The following PPARGC1A variants were observed in gnomAD, a reference collection of about 807,000 sequenced individuals.
PPARGC1A encodes peroxisome proliferator-activated receptor gamma coactivator 1-alpha.
PPARGC1A carries 25 observed loss-of-function variants against 88.7 expected under a neutral mutation model. The observed-to-expected ratio is 0.28, with a 90% CI of 0.21 to 0.39. The LOEUF is 0.39. PPARGC1A is among the 10% of genes least tolerant of loss of function. The pLI is 1.00. For synonymous variants in PPARGC1A, 363 were observed against 355.6 expected, an observed-to-expected ratio of 1.02 and a Z score of -0.24; for missense variants, 880 against 968.7, an observed-to-expected ratio of 0.91 and a Z score of 1.22.
chr4:23,977,641 G>A, the PPARGC1A span, among the ~76,000 whole-genome samples: 6 of 152,108 alleles, frequency 3.9e-5, no homozygotes, highest in South Asian at 1.2e-3. Flanking sequence ...GTTTACCTAT[G>A]GAAAAAACCT....
chr4:23,876,678 G>A (rs936942114), intron 2 of PPARGC1A, among the ~76,000 whole-genome samples: 10 of 152,032 alleles, frequency 6.6e-5, no homozygotes, highest in African/African-American at 2.4e-4. Context: ...TTTCTGAGCA[G>A]AAGTTCAGAA....
the PPARGC1A span, among the ~76,000 whole-genome samples, chr4:24,210,798 G>A: frequency 6.6e-6 from 1 of 152,162 alleles, no homozygotes; most frequent in Non-Finnish European, 1.5e-5. Flanking sequence ...CTCCAGAAAG[G>A]TCAAAAGCAG....
chr4:24,356,980 G>A, the PPARGC1A span, among the ~76,000 whole-genome samples: 1 of 152,120 alleles, frequency 6.6e-6, no homozygotes, highest in Non-Finnish European at 1.5e-5. Context: ...GAAGTGCAAA[G>A]GAATTAATGT....
At chr4:23,961,342 G>A in the PPARGC1A span, among the ~76,000 whole-genome samples, 1 of 152,168 alleles carries the variant, frequency 6.6e-6, no homozygotes, top group Non-Finnish European at 1.5e-5. Flanking sequence ...TTTCAGGGAT[G>A]CAGCTAAAAC....
the PPARGC1A span, among the ~76,000 whole-genome samples, chr4:24,461,973 A>G: frequency 2.2e-4 from 34 of 152,172 alleles, no homozygotes; most frequent in African/African-American, 8.0e-4. Flanking sequence ...ACTGTTTTCT[A>G]TCTTCTTTGC....
At chr4:23,961,076 C>T in the PPARGC1A span, among the ~76,000 whole-genome samples, 4 of 152,096 alleles carry the variant, frequency 2.6e-5, no homozygotes, top group African/African-American at 9.7e-5. Context: ...TTCTAGAAAG[C>T]GCTTTTAAAA....
chr4:23,909,918 A>G, the PPARGC1A span, among the ~76,000 whole-genome samples: 1 of 151,038 alleles, frequency 6.6e-6, no homozygotes. Context: ...AAATACAAAG[A>G]AATATGAAAG....
chr4:23,823,260 C>G (rs1310474755), intron 7 of PPARGC1A, among the ~76,000 whole-genome samples: 1 of 151,864 alleles, frequency 6.6e-6, no homozygotes, highest in East Asian at 1.9e-4. Flanking sequence ...CTAATCTTTT[C>G]CTTCAAGGAG....
At chr4:24,170,140 A>T in the PPARGC1A span, among the ~76,000 whole-genome samples, 1 of 152,226 alleles carries the variant, frequency 6.6e-6, no homozygotes, top group Non-Finnish European at 1.5e-5. Flanking sequence ...GAGAAAGCAT[A>T]GCAGGTGGTG....
chr4:24,251,224 G>C, the PPARGC1A span, among the ~76,000 whole-genome samples: 1 of 152,210 alleles, frequency 6.6e-6, no homozygotes, highest in African/African-American at 2.4e-5. Context: ...AATCCTGGCT[G>C]TGCCACTACT....
At chr4:24,252,238 C>T in the PPARGC1A span, among the ~76,000 whole-genome samples, 1 of 152,064 alleles carries the variant, frequency 6.6e-6, no homozygotes, top group Non-Finnish European at 1.5e-5. Flanking sequence ...TCTGTGCAGC[C>T]TAGGGTGACA....
the PPARGC1A span, among the ~76,000 whole-genome samples, chr4:24,324,061 C>G: frequency 6.6e-6 from 1 of 152,198 alleles, no homozygotes. Flanking sequence ...GGGAAGGCAG[C>G]TTTCCCTTGG....
chr4:24,348,417 T>G, the PPARGC1A span, among the ~76,000 whole-genome samples: 1 of 152,224 alleles, frequency 6.6e-6, no homozygotes, highest in Non-Finnish European at 1.5e-5. Context: ...CTTTTAGAAT[T>G]CTCTTCTTCC....
the PPARGC1A span, among the ~76,000 whole-genome samples, chr4:24,209,810 A>G: frequency 2.0e-5 from 3 of 152,248 alleles, no homozygotes; most frequent in East Asian, 5.8e-4. Context: ...TACAATTTGT[A>G]TATAAACAAA....
At chr4:24,002,362 G>A in the PPARGC1A span, among the ~76,000 whole-genome samples, 1 of 151,978 alleles carries the variant, frequency 6.6e-6, no homozygotes, top group Non-Finnish European at 1.5e-5. Context: ...TCCTGACCTC[G>A]AGATCTGCCC....
chr4:23,993,446 T>A, the PPARGC1A span, among the ~76,000 whole-genome samples: 32,729 of 152,100 alleles, frequency 0.22, 3,574 homozygotes, highest in East Asian at 0.29. Context: ...GTTTACCAAC[T>A]TCCTCCATGA....
chr4:24,250,444 A>G, the PPARGC1A span, among the ~76,000 whole-genome samples: 1 of 152,188 alleles, frequency 6.6e-6, no homozygotes. Flanking sequence ...GGAGAGATAC[A>G]CAGGTGTCAT....
chr4:23,986,777 G>GTCTTGCC, the PPARGC1A span, among the ~76,000 whole-genome samples: 2 of 151,988 alleles, frequency 1.3e-5, no homozygotes, highest in Admixed American at 6.6e-5. Context: ...CTAATATACT[G>GTCTTGCC]TCTTGCCTCT....
intron 12 of PPARGC1A, among the ~76,000 whole-genome samples, chr4:23,796,374 C>A (rs1432017141): frequency 6.6e-6 from 1 of 152,150 alleles, no homozygotes; most frequent in East Asian, 1.9e-4. Context: ...AAACTTCAAC[C>A]TGATGCTTCT....
Sources: gnomAD v4.1 joint callset for allele counts (sites outside exome capture counted in the v4.1 genomes callset) on GRCh38, gnomAD v4.1.1 for gene constraint, MANE v1.5 for transcripts, NCBI Gene and HGNC (gene_info 2026-07-23, HGNC 2026-07-21) for gene names.